The following PCNT variants were observed in gnomAD, a reference collection of about 807,000 sequenced individuals.
The protein encoded by PCNT is kendrin.
A neutral mutation model predicts 380.4 loss-of-function variants in PCNT; 319 were observed. That is an observed-to-expected ratio of 0.84 (90% CI 0.77 to 0.92). The LOEUF is 0.92. PCNT is among the 40% of genes least tolerant of loss of function. The pLI is 0.00. For missense variants in PCNT, 4,400 were observed against 4,255.3 expected, an observed-to-expected ratio of 1.03 and a Z score of -0.95; for synonymous variants, 1,845 against 1,735.2, an observed-to-expected ratio of 1.06 and a Z score of -1.57.
At chr21:46,430,338 A>T in intron 36 of PCNT, 106 bp downstream of exon 36, 1 of 1,383,108 alleles carries the variant, frequency 7.2e-7, no homozygotes, top group South Asian at 1.2e-5. Context: ...GCAGTTGGGC[A>T]GCCCCAGGGG....
chr21:46,440,613 C>T (rs1056964402), intron 42 of PCNT, among the ~76,000 whole-genome samples: 5 of 152,200 alleles, frequency 3.3e-5, no homozygotes, highest in Non-Finnish European at 5.9e-5. Flanking sequence ...CATAGGGGCT[C>T]ATTTGATGAT....
chr21:46,385,495 G>A (rs2085798842), intron 16 of PCNT, among the ~76,000 whole-genome samples: 1 of 152,222 alleles, frequency 6.6e-6, no homozygotes, highest in African/African-American at 2.4e-5. Flanking sequence ...TCCACCTGGG[G>A]ATGTTTGTGT....
intron 43 of PCNT, among the ~76,000 whole-genome samples, chr21:46,441,306 AC>A (rs1044401552): frequency 6.6e-6 from 1 of 152,222 alleles, no homozygotes; most frequent in African/African-American, 2.4e-5. Context: ...ATTTAAGGGC[AC>A]CTTTGTATTA....
At chr21:46,373,935 G>A (rs1346819398) in intron 15 of PCNT, among the ~76,000 whole-genome samples, 1 of 151,742 alleles carries the variant, frequency 6.6e-6, no homozygotes, top group Non-Finnish European at 1.5e-5. Context: ...TCACCATGTT[G>A]GCCAGGCTGG....
intron 45 of PCNT, among the ~76,000 whole-genome samples, chr21:46,444,217 T>A (rs915152242): frequency 1.3e-5 from 2 of 152,216 alleles, no homozygotes; most frequent in Middle Eastern, 6.8e-3. Flanking sequence ...TTGTGAGGGA[T>A]GTGCCTTGGT....
Position 46,366,604 on chromosome 21 carries a change from A to C in PCNT, c.2630A>C (p.Glu877Ala). Residue 877 changes from glutamate (E) to alanine (A), a missense_variant, in exon 15 of 47, where the codon GAG (glutamate) becomes GCG (alanine). Transcript: ENST00000359568. Reference sequence around the variant, plus strand: ...CGCAGGTTTTTAGAGGAACGTAAAGAGATCACCGAGAAATTCAGTGCGGAA... The same window carrying C: ...CGCAGGTTTTTAGAGGAACGTAAAGCGATCACCGAGAAATTCAGTGCGGAA... ...ARSRFLEERKEITEKFSAEQD... is the reference protein window; with the variant it reads ...ARSRFLEERKAITEKFSAEQD... The C allele has an allele frequency of 6.2e-7, 1 of 1,614,030 alleles. No homozygotes were observed. The highest frequency in any genetic ancestry group is 8.5e-7 in the Non-Finnish European group (1 of 1,179,976).
intron 15 of PCNT, among the ~76,000 whole-genome samples, chr21:46,368,242 G>T (rs575238240): frequency 6.6e-6 from 1 of 152,064 alleles, no homozygotes; most frequent in Non-Finnish European, 1.5e-5. Context: ...TCAGGTGATC[G>T]AGACCATCCT....
At chr21:46,439,614 C>A (rs2053554537) in intron 41 of PCNT, among the ~76,000 whole-genome samples, 1 of 152,176 alleles carries the variant, frequency 6.6e-6, no homozygotes, top group South Asian at 2.1e-4. Flanking sequence ...AAAAGAAGCA[C>A]ACGTTTGGTA....
At chr21:46,401,811 G>A (rs2147495278) in intron 26 of PCNT, 90 bp downstream of exon 26, 10 of 1,240,730 alleles carry the variant, frequency 8.1e-6, no homozygotes, top group Non-Finnish European at 1.2e-5. Context: ...AGATAACACA[G>A]GCGATGGGCT....
In PCNT at chr21:46,404,845, G is replaced by A. The variant is rs1040575719; in HGVS notation, c.5115+2362G>A. On this transcript the variant is annotated intron_variant, in intron 27 of 46. Coordinates refer to ENST00000359568, the MANE Select transcript of PCNT (RefSeq NM_006031.6). ...CACCACTCCGGAGACTGAGGCAGGAGAATCACTTGAACCCAGGAGATGGAG... is the reference window on the plus strand; with the variant it reads ...CACCACTCCGGAGACTGAGGCAGGAAAATCACTTGAACCCAGGAGATGGAG... Among the ~76,000 whole-genome samples the A allele has an allele frequency of 3.3e-5, 5 of 152,130 alleles. 1 individual carries two copies. The highest frequency in any genetic ancestry group is 3.3e-4 in the Admixed American group (5 of 15,268).
intron 25 of PCNT, among the ~76,000 whole-genome samples, chr21:46,401,154 G>A (rs760181396): frequency 6.6e-6 from 1 of 152,154 alleles, no homozygotes; most frequent in Admixed American, 6.5e-5. Flanking sequence ...GACCATTTTC[G>A]TCATATTAAA....
At chr21:46,435,845 A>C (rs2053425875) in intron 38 of PCNT, 59 bp from the exon 39 acceptor site, 2 of 1,609,848 alleles carry the variant, frequency 1.2e-6, no homozygotes, top group Non-Finnish European at 1.7e-6. Context: ...CCCGGCCGGC[A>C]GTTTTGTTTT....
chr21:46,356,858 TC>T, intron 12 of PCNT, 115 bp from the exon 13 acceptor site: 4 of 845,232 alleles, frequency 4.7e-6, no homozygotes, highest in Non-Finnish European at 7.9e-6. Context: ...AGCTTGAAAA[TC>T]CACAGTGTCT....
intron 8 of PCNT, among the ~76,000 whole-genome samples, chr21:46,350,399 A>C (rs909796635): frequency 6.6e-5 from 10 of 152,138 alleles, no homozygotes; most frequent in Non-Finnish European, 1.3e-4. Context: ...AGTACACACG[A>C]GATTCCTAGG....
At chr21:46,327,096 T>C (rs1370605892) in intron 2 of PCNT, among the ~76,000 whole-genome samples, 3 of 151,770 alleles carry the variant, frequency 2.0e-5, no homozygotes, top group Non-Finnish European at 4.4e-5. Context: ...ATTCTCGCTC[T>C]GTCTCCCAGG....
chr21:46,389,935 C>T (rs1169242037), intron 19 of PCNT, among the ~76,000 whole-genome samples: 1 of 152,194 alleles, frequency 6.6e-6, no homozygotes. Flanking sequence ...TGATGTGGCC[C>T]TCCCGGAGTT....
chr21:46,417,301 TCTC>T (rs2087070039), intron 30 of PCNT, among the ~76,000 whole-genome samples: 1 of 136,672 alleles, frequency 7.3e-6, no homozygotes, highest in Admixed American at 8.3e-5. Context: ...TTCAAGCAAA[TCTC>T]CTGCCTCAGC....
At chr21:46,405,174 A>G (rs1343038488) in intron 27 of PCNT, among the ~76,000 whole-genome samples, 2 of 152,230 alleles carry the variant, frequency 1.3e-5, no homozygotes, top group Non-Finnish European at 2.9e-5. Flanking sequence ...CCAAGGCCAC[A>G]GTGAGCTGTG....
chr21:46,336,202 C>T (rs1447031833), intron 3 of PCNT, among the ~76,000 whole-genome samples: 1 of 151,962 alleles, frequency 6.6e-6, no homozygotes, highest in African/African-American at 2.4e-5. Flanking sequence ...GTCTCGAACT[C>T]CTGACCTCAG....
Sources: gnomAD v4.1 joint callset for allele counts (sites outside exome capture counted in the v4.1 genomes callset) on GRCh38, gnomAD v4.1.1 for gene constraint, MANE v1.5 for transcripts, NCBI Gene and HGNC (gene_info 2026-07-23, HGNC 2026-07-21) for gene names.